Variants in DDAH1 observed in about 807,000 individuals in gnomAD.
The protein encoded by DDAH1 is N(G),N(G)-dimethylarginine dimethylaminohydrolase 1.
Under a neutral mutation model 28.8 loss-of-function variants are expected in DDAH1, and 19 were observed. The observed-to-expected ratio is 0.66, with a 90% confidence interval of 0.46 to 0.97. The LOEUF is 0.97. DDAH1 is among the 50% of genes least tolerant of loss of function. The probability of loss-of-function intolerance (pLI) is 0.00; values close to 1 mark genes in which losing one functional copy is unlikely to be tolerated. For missense variants in DDAH1, 326 were observed against 375.9 expected (o/e 0.87, Z 1.10); for synonymous variants, 153 against 154.4 (o/e 0.99, Z 0.07).
intron 2 of DDAH1, among the ~76,000 whole-genome samples, chr1:85,478,897 G>T (rs895432570): frequency 2.1e-4 from 32 of 152,056 alleles, no homozygotes; most frequent in African/African-American, 7.5e-4. Flanking sequence ...ATAGTCTAAA[G>T]CATATTACAT....
intron 2 of DDAH1, among the ~76,000 whole-genome samples, chr1:85,357,796 C>T (rs766124418): frequency 5.9e-5 from 9 of 152,004 alleles, no homozygotes; most frequent in Non-Finnish European, 1.0e-4. Context: ...ATTTGGGGAC[C>T]CAGATTTTAC....
At chr1:85,450,272 A>G (rs1241776831) in intron 1 of DDAH1, among the ~76,000 whole-genome samples, 1 of 152,206 alleles carries the variant, frequency 6.6e-6, no homozygotes, top group African/African-American at 2.4e-5. Context: ...CTAAACAACA[A>G]TTGCCTGTTG....
intron 1 of DDAH1, among the ~76,000 whole-genome samples, chr1:85,530,070 G>T (rs1348763583): frequency 1.9e-5 from 2 of 107,920 alleles, no homozygotes; most frequent in African/African-American, 2.7e-5. Context: ...TGGTACCCAG[G>T]GTCTGAAAAA....
intron 1 of DDAH1, among the ~76,000 whole-genome samples, chr1:85,529,320 A>T (rs1239103473): frequency 6.6e-6 from 1 of 152,112 alleles, no homozygotes; most frequent in Non-Finnish European, 1.5e-5. Context: ...ATTTTTGCAT[A>T]TTGAGCTGGA....
intron 4 of DDAH1, among the ~76,000 whole-genome samples, chr1:85,336,811 C>T (rs917841693): frequency 1.3e-5 from 2 of 151,490 alleles, no homozygotes; most frequent in Admixed American, 1.3e-4. Flanking sequence ...GAGAATGGAT[C>T]CAAATAAGAG....
chr1:85,569,235 T>C (rs1328999361), intron 1 of DDAH1, among the ~76,000 whole-genome samples: 1 of 152,230 alleles, frequency 6.6e-6, no homozygotes, highest in Non-Finnish European at 1.5e-5. Context: ...ATTTGTTTTG[T>C]TTCCAGTCTA....
chr1:85,460,583 A>G (rs1177696345), intron 1 of DDAH1, among the ~76,000 whole-genome samples: 1 of 152,208 alleles, frequency 6.6e-6, no homozygotes, highest in African/African-American at 2.4e-5. Flanking sequence ...AACAGGGTAC[A>G]TGACAAATAA....
intron 1 of DDAH1, among the ~76,000 whole-genome samples, chr1:85,523,911 C>T (rs2100765617): frequency 6.6e-6 from 1 of 152,198 alleles, no homozygotes; most frequent in Non-Finnish European, 1.5e-5. Flanking sequence ...ACTTTGGCAG[C>T]CTTTCAAAAG....
At chr1:85,377,906 C>A (rs12060720) in intron 1 of DDAH1, among the ~76,000 whole-genome samples, 1 of 152,144 alleles carries the variant, frequency 6.6e-6, no homozygotes, top group Non-Finnish European at 1.5e-5. Context: ...TATTTGATCT[C>A]TAATTTCTGA....
intron 4 of DDAH1, among the ~76,000 whole-genome samples, chr1:85,325,119 CTCTTT>C (rs5775833): frequency 0.29 from 43,574 of 151,808 alleles, 7,133 homozygotes; most frequent in South Asian, 0.4. Flanking sequence ...GTGTTTGTCT[CTCTTT>C]TCTTTTAAGG....
chr1:85,436,091 G>A (rs1371451777), intron 1 of DDAH1, among the ~76,000 whole-genome samples: 34 of 152,032 alleles, frequency 2.2e-4, no homozygotes, highest in East Asian at 1.9e-4. Flanking sequence ...TCGAGCCACC[G>A]CGCCCAGCCA....
At chr1:85,486,769 G>A (rs186429539) in intron 2 of DDAH1, among the ~76,000 whole-genome samples, 59 of 152,260 alleles carry the variant, frequency 3.9e-4, no homozygotes, top group Admixed American at 1.6e-3. Context: ...GAAATAGAAG[G>A]GTAGTCCAGG....
chr1:85,453,156 G>GT (rs1445074442), intron 1 of DDAH1, among the ~76,000 whole-genome samples: 1 of 152,122 alleles, frequency 6.6e-6, no homozygotes, highest in African/African-American at 2.4e-5. Flanking sequence ...TATCTTGTGT[G>GT]TTTTTTGGCA....
intron 1 of DDAH1, among the ~76,000 whole-genome samples, chr1:85,397,794 C>G (rs944673644): frequency 1.3e-5 from 2 of 152,130 alleles, no homozygotes; most frequent in Admixed American, 6.6e-5. Context: ...TTTATCCCCT[C>G]TAAATCTCAT....
At chr1:85,484,401 A>G (rs1656121083) in intron 2 of DDAH1, among the ~76,000 whole-genome samples, 1 of 152,174 alleles carries the variant, frequency 6.6e-6, no homozygotes, top group African/African-American at 2.4e-5. Flanking sequence ...GTGACAGATA[A>G]GCGGTTTTAG....
chr1:85,322,595 C>T (rs1032346766), intron 5 of DDAH1, among the ~76,000 whole-genome samples: 2 of 151,906 alleles, frequency 1.3e-5, no homozygotes, highest in Non-Finnish European at 2.9e-5. Flanking sequence ...TTCTGTCAAC[C>T]TACTACTTAA....
intron 1 of DDAH1, among the ~76,000 whole-genome samples, chr1:85,511,759 T>A (rs1380740255): frequency 6.6e-6 from 1 of 152,162 alleles, no homozygotes; most frequent in Non-Finnish European, 1.5e-5. Context: ...AAGAAATGGA[T>A]AAATTCCTGG....
chr1:85,479,241 T>A (rs1168420544), intron 2 of DDAH1, among the ~76,000 whole-genome samples: 1 of 138,800 alleles, frequency 7.2e-6, no homozygotes, highest in African/African-American at 2.6e-5. Flanking sequence ...TGGCGCGATC[T>A]CGGCTCACTG....
intron 1 of DDAH1, among the ~76,000 whole-genome samples, chr1:85,422,628 T>C (rs1653196981): frequency 6.6e-6 from 1 of 152,230 alleles, no homozygotes; most frequent in African/African-American, 2.4e-5. Context: ...CATCCTATTG[T>C]TCCAGCAACA....
Sources: gnomAD v4.1 joint callset for allele counts (sites outside exome capture counted in the v4.1 genomes callset) on GRCh38, gnomAD v4.1.1 for gene constraint, MANE v1.5 for transcripts, NCBI Gene and HGNC (gene_info 2026-07-23, HGNC 2026-07-21) for gene names.